The following POLA2 variants were observed in gnomAD, a reference collection of about 807,000 sequenced individuals.
The protein encoded by POLA2 is DNA polymerase alpha subunit B.
Under a neutral mutation model 82.8 loss-of-function variants are expected in POLA2, and 47 were observed. That is an observed-to-expected ratio of 0.57 (90% CI 0.45 to 0.72). POLA2 has a LOEUF of 0.72. Ranked by LOEUF, POLA2 falls within the 30% of genes least tolerant of loss-of-function variation. The probability of loss-of-function intolerance (pLI) is 0.00; values close to 1 mark genes in which losing one functional copy is unlikely to be tolerated. For missense variants in POLA2, 634 were observed against 728.1 expected, an observed-to-expected ratio of 0.87 and a Z score of 1.49; for synonymous variants, 287 against 286.8, an observed-to-expected ratio of 1.00 and a Z score of -0.01.
At chr11:65,284,336 T>A in intron 10 of POLA2, among the ~76,000 whole-genome samples, 1 of 151,842 alleles carries the variant, frequency 6.6e-6, no homozygotes, top group Non-Finnish European at 1.5e-5. Context: ...AAAAATCAGC[T>A]TGGTGTGGTT....
In POLA2 at chr11:65,287,852, C is replaced by T. The variant is rs1369174453; in HGVS notation, c.1131+12C>T. ...ATGTCTGCATCCTGGTAAGAGGCAC[C>T]AGTGGGAAAGCTGAGGAGTCAGCCT... On this transcript the variant is annotated intron_variant, in intron 11 of 17. Transcript: ENST00000265465. The T allele has an allele frequency of 6.2e-7, 1 of 1,611,900 alleles. No homozygotes were observed. The highest frequency in any genetic ancestry group is 1.3e-5 in the African/African-American group (1 of 74,940).
At position 65,275,901 on chromosome 11, in the gene POLA2, A is replaced by G; in HGVS notation, c.364A>G (p.Lys122Glu). 6.2e-7 allele frequency: 1 copy of G among 1,604,312 alleles called. No homozygotes were observed. Among genetic ancestry groups the G allele is most frequent in the South Asian group, 1.1e-5 (1 of 89,498 alleles). The change falls in exon 5 of 18, where the codon AAG (lysine) becomes GAG (glutamate). Residue 122 changes from lysine (K) to glutamate (E), a missense_variant. Coordinates refer to ENST00000265465, the MANE Select transcript of POLA2 (RefSeq NM_002689.4). ...SYTTPSKGSQKRAISTPETPL... is the reference protein window; with the variant it reads ...SYTTPSKGSQERAISTPETPL... ...CCTTTTTTTTCCCTAGGGTTCTCAG[A>G]AGCGAGCTATCTCTACCCCAGAAAC... is the stretch of plus-strand genomic sequence containing the variant.
intron 4 of POLA2, among the ~76,000 whole-genome samples, chr11:65,274,720 TGA>T (rs918479051): frequency 6.6e-6 from 1 of 152,036 alleles, no homozygotes; most frequent in Non-Finnish European, 1.5e-5. Flanking sequence ...GGGAAAATGT[TGA>T]TAATTAATAT....
Position 65,289,841 on chromosome 11 carries a change from T to C in POLA2, c.1213T>C (p.Cys405Arg). 6.2e-7 allele frequency: 1 copy of C among 1,611,650 alleles called. No homozygotes were observed. The highest frequency in any genetic ancestry group is 8.5e-7 in the Non-Finnish European group (1 of 1,177,758). ...TSPFEDIFKQ[C>R]LRTIIEGTRS... is the part of the protein sequence containing the mutation. The stretch of plus-strand genomic sequence containing the variant: ...TCCATTTGAAGACATTTTCAAGCAG[T>C]GTCTACGAACAATTATTGAAGGCAC... The change falls in exon 13 of 18, where the codon TGT (cysteine) becomes CGT (arginine). Residue 405 changes from cysteine to arginine, a missense_variant. Physicochemically the swap from Cys to Arg is radical, Grantham distance 180 (BLOSUM62 -3). Transcript: ENST00000265465.
At chr11:65,302,555 T>G (rs1949864467), downstream of POLA2, among the ~76,000 whole-genome samples, 2 of 152,168 alleles carry the variant, frequency 1.3e-5, 1 homozygote, top group South Asian at 4.1e-4. Flanking sequence ...CCTGGCAGCT[T>G]CTTCCCTTGA....
rs775242789 is a variant in POLA2, at chr11:65,276,145, C to T, written c.461+147C>T. 4 of 453,616 alleles carry T rather than the reference C, an allele frequency of 8.8e-6. No individual in the cohort carries two copies. In the South Asian group the frequency reaches 2.2e-4, roughly 25 times the overall value. The allele number at this position is 453,616 out of a possible 1,614,324, so 28.1% of individuals were successfully genotyped here. ...TGAATTGGCTTGAAAGCCTATTGCT[C>T]TCTGCCTTCCTTGCTCTCCTTTTCT... is the stretch of plus-strand genomic sequence containing the variant. On this transcript the variant is annotated intron_variant, in intron 5 of 17. Coordinates refer to ENST00000265465, the MANE Select transcript of POLA2 (RefSeq NM_002689.4).
At chr11:65,273,803 A>C (rs1949546792) in intron 4 of POLA2, among the ~76,000 whole-genome samples, 1 of 152,124 alleles carries the variant, frequency 6.6e-6, no homozygotes, top group South Asian at 2.1e-4. Flanking sequence ...CAAATTCATA[A>C]AATCTTTTTC....
At chr11:65,288,982 C>A in intron 11 of POLA2, 68 bp from the exon 12 acceptor site, 1 of 1,424,712 alleles carries the variant, frequency 7.0e-7, no homozygotes, top group Non-Finnish European at 9.9e-7. Flanking sequence ...GAGGAGGTAT[C>A]TGAAGTCATT....
chr11:65,281,175 G>T, intron 8 of POLA2, 28 bp downstream of exon 8: 1 of 1,610,474 alleles, frequency 6.2e-7, no homozygotes, highest in Non-Finnish European at 8.5e-7. Flanking sequence ...CCACCAGAAT[G>T]CAGGCGCACT....
chr11:65,295,762 C>A, intron 16 of POLA2, 102 bp from the exon 17 acceptor site: 1 of 1,456,516 alleles, frequency 6.9e-7, no homozygotes, highest in Non-Finnish European at 9.6e-7. Flanking sequence ...AAAAGTCGGT[C>A]TGTGGATGCC....
In POLA2 at chr11:65,278,736, T is replaced by A; in HGVS notation, c.468T>A (p.Thr156=). 1 of 1,613,090 alleles carries A rather than the reference T, an allele frequency of 6.2e-7. No homozygotes were observed. Among genetic ancestry groups the A allele is most frequent in the Non-Finnish European group, 8.5e-7 (1 of 1,179,614 alleles). ...CTGTTTTGCTTCCAATTAGTGCTAC[T>A]CCCTCCCAGAAATACAACTCACGAA... is the stretch of plus-strand genomic sequence containing the variant. ...LSPSSFSPSA[T]PSQKYNSRSN... is the part of the protein sequence containing the mutation. The change falls in exon 6 of 18, where the codon ACT becomes ACA. Residue 156 remains threonine, a synonymous_variant. Transcript: ENST00000265465.
In POLA2 at chr11:65,289,996, C is replaced by T. The variant is rs934018589; in HGVS notation, c.1244+124C>T. ...AGGCTCAGTGGATCACACCTGTAAT[C>T]CCAGCACTTTGGGAGGCCGAGGCGG... is the stretch of plus-strand genomic sequence containing the variant. On this transcript the variant is annotated intron_variant, in intron 13 of 17. Transcript: ENST00000265465. The T allele has an allele frequency of 4.8e-6, 3 of 627,774 alleles. No individual in the cohort carries two copies. In the African/African-American group the frequency reaches 5.6e-5, roughly 12 times the overall value. The allele number at this position is 627,774 out of a possible 1,614,324, so 38.9% of individuals were successfully genotyped here. A position where few individuals can be genotyped will look rare whatever the true frequency, so the allele number is the denominator to read the frequency against.
intron 2 of POLA2, among the ~76,000 whole-genome samples, chr11:65,266,932 G>A (rs1214686767): frequency 3.3e-5 from 5 of 152,158 alleles, no homozygotes; most frequent in Admixed American, 3.3e-4. Context: ...ATGGGGCTGG[G>A]CGCCGTGGCT....
intron 10 of POLA2, among the ~76,000 whole-genome samples, chr11:65,286,793 T>C (rs1461592386): frequency 2.6e-5 from 4 of 151,976 alleles, no homozygotes; most frequent in Non-Finnish European, 5.9e-5. Flanking sequence ...CTTTGGATTT[T>C]GTTGTTGTAA....
chr11:65,281,198 A>AGT (rs1190472654), intron 8 of POLA2, 51 bp downstream of exon 8: 2 of 1,586,268 alleles, frequency 1.3e-6, no homozygotes, highest in Admixed American at 1.7e-5. Context: ...TTACCCCTGT[A>AGT]GTGTAGGTGC....
At chr11:65,289,024 T>C in intron 11 of POLA2, 26 bp from the exon 12 acceptor site, 1 of 1,609,824 alleles carries the variant, frequency 6.2e-7, no homozygotes, top group Non-Finnish European at 8.5e-7. Flanking sequence ...TTTGTTCTTT[T>C]GGTGTCTTTG....
In POLA2 at chr11:65,271,310, GACC is replaced by G. The variant is rs1949518848; in HGVS notation, c.354+2587_354+2589del. On this transcript the variant is annotated intron_variant, in intron 4 of 17. Coordinates refer to ENST00000265465, the MANE Select transcript of POLA2 (RefSeq NM_002689.4). ...GCTCTCTCAATTGCAATACCAATGG[GACC>G]ACCACGGTTTTATCTGGTTAACAGC... 2.6e-5 allele frequency among the ~76,000 whole-genome samples: 4 copies of G among 152,250 alleles called. 1 individual carries two copies. Among genetic ancestry groups the G allele is most frequent in the Admixed American group, 2.6e-4 (4 of 15,288 alleles).
chr11:65,290,387 T>G (rs922003452), intron 13 of POLA2, among the ~76,000 whole-genome samples: 26 of 150,926 alleles, frequency 1.7e-4, no homozygotes, highest in African/African-American at 6.1e-4. Flanking sequence ...AATTACAAAA[T>G]TAGCTGGGCG....
chr11:65,283,078 C>A (rs1949658102), intron 10 of POLA2, among the ~76,000 whole-genome samples: 1 of 152,142 alleles, frequency 6.6e-6, no homozygotes, highest in Admixed American at 6.6e-5. Flanking sequence ...TTGCAGTGAG[C>A]TATGGTAACA....
Sources: gnomAD v4.1 joint callset for allele counts (sites outside exome capture counted in the v4.1 genomes callset) on GRCh38, gnomAD v4.1.1 for gene constraint, MANE v1.5 for transcripts, NCBI Gene and HGNC (gene_info 2026-07-23, HGNC 2026-07-21) for gene names.